Variants in TJP2 observed in about 807,000 individuals in gnomAD.
The protein encoded by TJP2 is Friedreich ataxia region gene X104 (tight junction protein ZO-2).
Under a neutral mutation model 133.1 loss-of-function variants are expected in TJP2, and 91 were observed. The ratio of observed to expected loss-of-function variants is 0.68; its 90% confidence interval spans 0.58 to 0.81. The LOEUF is 0.81. Among genes scored for constraint, TJP2 ranks in the 40% least tolerant of loss-of-function variants. The pLI, the probability that TJP2 is intolerant of heterozygous loss-of-function variation, is 0.00. For synonymous variants in TJP2, 592 were observed against 583.4 expected (o/e 1.01, Z -0.21); for missense variants, 1,541 against 1,565.6 (o/e 0.98, Z 0.26).
chr9:69,208,975 T>C lies in TJP2; in HGVS notation c.61-3573T>C, dbSNP rs372111809. Among the ~76,000 whole-genome samples, 197 of 152,268 alleles carry C rather than the reference T, an allele frequency of 1.3e-3. 2 individuals are homozygous for C. In the South Asian group the frequency reaches 0.029, roughly 23 times the overall value. On this transcript the variant is annotated intron_variant, in intron 1 of 22. Coordinates refer to ENST00000377245, the MANE Select transcript of TJP2 (RefSeq NM_004817.4). ...CATTGAGAAGATGAGCTTGGAGAAGTGGGCATGCTCATAAGGTCATTTCTG... is the reference window on the plus strand; with the variant it reads ...CATTGAGAAGATGAGCTTGGAGAAGCGGGCATGCTCATAAGGTCATTTCTG...
intron 1 of TJP2, among the ~76,000 whole-genome samples, chr9:69,150,362 C>T (rs1234921524): frequency 1.4e-5 from 2 of 148,132 alleles, no homozygotes; most frequent in Non-Finnish European, 3.0e-5. Context: ...GGTGAGATCT[C>T]ACCTCACTGC....
At chr9:69,141,194 C>T (rs1189518800) in intron 1 of TJP2, among the ~76,000 whole-genome samples, 1 of 152,128 alleles carries the variant, frequency 6.6e-6, no homozygotes, top group African/African-American at 2.4e-5. Context: ...TCAGAGAATC[C>T]ATGAATTATT....
intron 2 of TJP2, among the ~76,000 whole-genome samples, chr9:69,162,428 T>C (rs569731937): frequency 6.6e-6 from 1 of 152,142 alleles, no homozygotes; most frequent in Non-Finnish European, 1.5e-5. Flanking sequence ...TTAACACATC[T>C]TATGAATTCT....
intron 20 of TJP2, among the ~76,000 whole-genome samples, chr9:69,250,305 T>C (rs1410376593): frequency 6.6e-6 from 1 of 152,170 alleles, no homozygotes; most frequent in Non-Finnish European, 1.5e-5. Context: ...GGTTTCGACA[T>C]GTTGGCCAGG....
intron 2 of TJP2, among the ~76,000 whole-genome samples, chr9:69,159,621 G>A (rs1041773315): frequency 1.3e-5 from 2 of 152,116 alleles, no homozygotes; most frequent in Non-Finnish European, 2.9e-5. Flanking sequence ...GCTCACGCCT[G>A]TAATCCCAGC....
At chr9:69,240,565 A>G (rs1466121655) in intron 17 of TJP2, among the ~76,000 whole-genome samples, 2 of 152,206 alleles carry the variant, frequency 1.3e-5, no homozygotes, top group Non-Finnish European at 2.9e-5. Context: ...AGCATGGTGG[A>G]TAACACTTGT....
chr9:69,151,907 A>G, intron 2 of TJP2: 1 of 899,982 alleles, frequency 1.1e-6, no homozygotes, highest in East Asian at 3.3e-5. Flanking sequence ...ATTTTCATAG[A>G]AAATTTAATG....
chr9:69,250,443 T>G (rs761615858), intron 20 of TJP2, among the ~76,000 whole-genome samples: 2 of 152,160 alleles, frequency 1.3e-5, no homozygotes, highest in Non-Finnish European at 2.9e-5. Flanking sequence ...CATAATTGAT[T>G]GTGTGAGCCA....
At chr9:69,249,223 G>T in intron 19 of TJP2, 152 bp from the exon 20 acceptor site, 1 of 1,466,906 alleles carries the variant, frequency 6.8e-7, no homozygotes. Flanking sequence ...GAAGCATTTG[G>T]TGATGGTTTC....
In TJP2 at chr9:69,237,088, T is replaced by C. The variant is rs35797487; in HGVS notation, c.2131T>C (p.Ser711Pro). Residue 711 changes from serine to proline, a missense_variant, in exon 14 of 23, where the codon TCT becomes CCT. Physicochemically the swap from Ser to Pro is moderately conservative, Grantham distance 74 (BLOSUM62 -1). Coordinates refer to ENST00000377245, the MANE Select transcript of TJP2 (RefSeq NM_004817.4). ...TCGGGAAGACCTCACAGCTGTTGTG[T>C]CTGTCAGCACCAAGTTCCCAGCTTA... ...KSREDLTAVV[S>P]VSTKFPAYER... 6,990 of 1,614,128 alleles carry C rather than the reference T, an allele frequency of 4.3e-3. 249 individuals are homozygous for C. In the African/African-American group the frequency reaches 0.08, roughly 18 times the overall value.
At chr9:69,136,695 G>C (rs1358005291) in intron 1 of TJP2, among the ~76,000 whole-genome samples, 1 of 152,190 alleles carries the variant, frequency 6.6e-6, no homozygotes, top group Non-Finnish European at 1.5e-5. Flanking sequence ...TTTCCTGGTT[G>C]GGGGTGTCTG....
intron 1 of TJP2, among the ~76,000 whole-genome samples, chr9:69,128,964 C>T (rs1173037452): frequency 6.6e-6 from 1 of 152,186 alleles, no homozygotes; most frequent in East Asian, 1.9e-4. Context: ...GTAAATTGAG[C>T]CATTTGCTCT....
Position 69,238,729 on chromosome 9 carries a change from A to G in TJP2, c.2295A>G (p.Ala765=). 5 of 1,613,956 alleles carry G rather than the reference A, an allele frequency of 3.1e-6. No homozygotes were observed. Among genetic ancestry groups the G allele is most frequent in the Non-Finnish European group, 3.4e-6 (4 of 1,179,888 alleles). ...FQTAKTEPKD[A]GSEKSTGVVR... ...TTGCAGAAACGGAACCAAAAGATGC[A>G]GGATCTGAGAAATCCACTGGAGTGG... Residue 765 remains alanine (A), a synonymous_variant, in exon 16 of 23, where the codon GCA becomes GCG. Coordinates refer to ENST00000377245, the MANE Select transcript of TJP2 (RefSeq NM_004817.4).
At chr9:69,166,027 C>A (rs950039686) in intron 2 of TJP2, among the ~76,000 whole-genome samples, 2 of 152,212 alleles carry the variant, frequency 1.3e-5, no homozygotes, top group Non-Finnish European at 2.9e-5. Flanking sequence ...TCCTTCCAAC[C>A]CAGGACTCTC....
Position 69,252,898 on chromosome 9 carries a change from G to C in TJP2, c.3405G>C (p.Thr1135=), listed in dbSNP as rs771190188. 1 of 1,614,146 alleles carries C rather than the reference G, an allele frequency of 6.2e-7. No homozygotes were observed. The highest frequency in any genetic ancestry group is 8.5e-7 in the Non-Finnish European group (1 of 1,179,996). The change falls in exon 22 of 23, where the codon ACG becomes ACC. Residue 1135 remains threonine (T), a splice_region_variant and synonymous_variant. Transcript: ENST00000377245. ...CAGACCCTGGCACGCCCCAGCACACGAGGTAAGGGCTGCCTAGTGGGTACA... is the reference window on the plus strand; with the variant it reads ...CAGACCCTGGCACGCCCCAGCACACCAGGTAAGGGCTGCCTAGTGGGTACA... The part of the protein sequence containing the change: ...HKPDPGTPQH[T]SSRPPEPQKA...
intron 1 of TJP2, among the ~76,000 whole-genome samples, chr9:69,144,238 A>G (rs1823122876): frequency 6.6e-6 from 1 of 152,160 alleles, no homozygotes; most frequent in Non-Finnish European, 1.5e-5. Context: ...CCCACATCCC[A>G]AAGATTGTTG....
chr9:69,230,094 A>C lies in TJP2; in HGVS notation c.1533A>C (p.Lys511Asn). ...EDEAIYGPNT[K>N]MVRFKKGDSV... ...GAACCTATTGCAGCCCTAATACCAA[A>C]ATGGTAAGGTTCAAGAAGGGAGACA... Residue 511 changes from lysine to asparagine, a missense_variant, in exon 11 of 23, where the codon AAA becomes AAC. Physicochemically the swap from Lys to Asn is moderately conservative, Grantham distance 94. Coordinates refer to ENST00000377245, the MANE Select transcript of TJP2 (RefSeq NM_004817.4). 1 of 1,614,078 alleles carries C rather than the reference A, an allele frequency of 6.2e-7. No homozygotes were observed. The highest frequency in any genetic ancestry group is 8.5e-7 in the Non-Finnish European group (1 of 1,180,008).
chr9:69,151,840 C>T (rs192209020), intron 2 of TJP2: 18 of 1,225,288 alleles, frequency 1.5e-5, no homozygotes, highest in Admixed American at 4.2e-5. Flanking sequence ...GAATAGTTAC[C>T]GTTTTCACAT....
At chr9:69,145,596 C>T (rs1020815073) in intron 1 of TJP2, 1 of 598,718 alleles carries the variant, frequency 1.7e-6, no homozygotes, top group African/African-American at 1.9e-5. Flanking sequence ...CTAGCTAGGG[C>T]TACATAGAGA....
Sources: gnomAD v4.1 joint callset for allele counts (sites outside exome capture counted in the v4.1 genomes callset) on GRCh38, gnomAD v4.1.1 for gene constraint, MANE v1.5 for transcripts, NCBI Gene and HGNC (gene_info 2026-07-23, HGNC 2026-07-21) for gene names.